SCHIP1: variants seen among roughly 807,000 people sequenced by gnomAD.
SCHIP1 encodes the protein schwannomin interacting protein 1, also known as schwannomin-interacting protein 1.
A neutral mutation model predicts 29.7 loss-of-function variants in SCHIP1; 8 were observed. The observed-to-expected ratio is 0.27, with a 90% CI of 0.16 to 0.49. The LOEUF is 0.49. Among genes scored for constraint, SCHIP1 ranks in the 20% least tolerant of loss-of-function variants. The pLI is 0.99. For synonymous variants in SCHIP1, 76 were observed against 94.9 expected (o/e 0.80, Z 1.16); for missense variants, 193 against 294.6 (o/e 0.66, Z 2.52).
At chr3:159,515,343 C>G in the SCHIP1 span, among the ~76,000 whole-genome samples, 4 of 152,176 alleles carry the variant, frequency 2.6e-5, no homozygotes, top group African/African-American at 9.7e-5. Flanking sequence ...TTGCCAGCAT[C>G]CTTGAATAAA....
At chr3:159,656,445 C>T in the SCHIP1 span, among the ~76,000 whole-genome samples, 1 of 152,124 alleles carries the variant, frequency 6.6e-6, no homozygotes, top group Non-Finnish European at 1.5e-5. Flanking sequence ...CGAAGAAAGG[C>T]GAGCCCACTT....
At chr3:159,506,716 A>C in the SCHIP1 span, among the ~76,000 whole-genome samples, 1 of 152,222 alleles carries the variant, frequency 6.6e-6, no homozygotes, top group Non-Finnish European at 1.5e-5. Flanking sequence ...CCATTTGTTG[A>C]ATAGGGAATC....
At chr3:159,617,752 G>T in the SCHIP1 span, among the ~76,000 whole-genome samples, 1 of 151,988 alleles carries the variant, frequency 6.6e-6, no homozygotes, top group Non-Finnish European at 1.5e-5. Context: ...CAACCACCAG[G>T]CCTTTGAGTC....
the SCHIP1 span, among the ~76,000 whole-genome samples, chr3:159,799,373 C>G: frequency 6.6e-6 from 1 of 152,248 alleles, no homozygotes; most frequent in Admixed American, 6.5e-5. Context: ...TGAGCATCAA[C>G]TTCTCTCTCA....
chr3:159,303,397 C>A, the SCHIP1 span, among the ~76,000 whole-genome samples: 1 of 150,748 alleles, frequency 6.6e-6, no homozygotes, highest in Non-Finnish European at 1.5e-5. Flanking sequence ...AAGGTTGGAG[C>A]CCTTTTCCCT....
At chr3:159,489,820 T>C in the SCHIP1 span, among the ~76,000 whole-genome samples, 2 of 152,136 alleles carry the variant, frequency 1.3e-5, no homozygotes, top group Non-Finnish European at 2.9e-5. Context: ...CTAAGACATG[T>C]TGATAAACAA....
At chr3:159,665,298 G>A in the SCHIP1 span, among the ~76,000 whole-genome samples, 2 of 152,048 alleles carry the variant, frequency 1.3e-5, no homozygotes, top group African/African-American at 4.8e-5. Context: ...ATTTTTCAGT[G>A]GGGTCATTTT....
the SCHIP1 span, among the ~76,000 whole-genome samples, chr3:159,493,806 T>A: frequency 6.6e-6 from 1 of 152,198 alleles, no homozygotes; most frequent in Non-Finnish European, 1.5e-5. Flanking sequence ...TACATTCTTC[T>A]CAGCACCACA....
the SCHIP1 span, among the ~76,000 whole-genome samples, chr3:159,815,938 T>TATTTATTTATTC: frequency 7.1e-5 from 1 of 13,996 alleles, no homozygotes; most frequent in African/African-American, 9.4e-4. Context: ...CCTCTGGTCC[T>TATTTATTTATTC]ATTTATTTAT....
the SCHIP1 span, among the ~76,000 whole-genome samples, chr3:159,580,472 C>T: frequency 7.2e-5 from 11 of 152,144 alleles, no homozygotes; most frequent in African/African-American, 2.2e-4. Flanking sequence ...TCAAGGCAGA[C>T]GGAGAGACGT....
the SCHIP1 span, among the ~76,000 whole-genome samples, chr3:159,506,431 A>T: frequency 6.6e-6 from 1 of 152,122 alleles, no homozygotes; most frequent in Non-Finnish European, 1.5e-5. Context: ...GTTCACTCTG[A>T]TGGTAGTTTC....
the SCHIP1 span, among the ~76,000 whole-genome samples, chr3:159,295,663 A>G: frequency 6.6e-6 from 1 of 152,126 alleles, no homozygotes; most frequent in South Asian, 2.1e-4. Context: ...GCTCTGAGAA[A>G]TAGTGCTTTA....
the SCHIP1 span, among the ~76,000 whole-genome samples, chr3:159,507,525 G>A: frequency 6.6e-6 from 1 of 152,152 alleles, no homozygotes; most frequent in Non-Finnish European, 1.5e-5. Context: ...TGGTGAGAGA[G>A]GGCATCCCTG....
chr3:159,310,624 C>T, the SCHIP1 span, among the ~76,000 whole-genome samples: 4 of 152,060 alleles, frequency 2.6e-5, no homozygotes, highest in Admixed American at 6.6e-5. Context: ...TTTTTATGGA[C>T]AGACTGTATA....
the SCHIP1 span, among the ~76,000 whole-genome samples, chr3:159,299,987 G>A: frequency 6.6e-6 from 1 of 152,042 alleles, no homozygotes; most frequent in South Asian, 2.1e-4. Context: ...GGGAGGTAGA[G>A]GTTAGAAGCA....
intron 2 of SCHIP1, 70 bp from the exon 4 acceptor site, chr3:159,886,137 A>G (rs976377656): frequency 5.8e-6 from 9 of 1,548,934 alleles, no homozygotes; most frequent in Non-Finnish European, 7.1e-6. Flanking sequence ...GCAAAATCAG[A>G]CAGTTCTATT....
the SCHIP1 span, among the ~76,000 whole-genome samples, chr3:159,353,096 T>C: frequency 6.6e-6 from 1 of 152,038 alleles, no homozygotes; most frequent in Admixed American, 6.6e-5. Context: ...ATACTTCCAG[T>C]CCAGTTGTTA....
chr3:159,412,082 A>G, the SCHIP1 span, among the ~76,000 whole-genome samples: 1 of 152,210 alleles, frequency 6.6e-6, no homozygotes, highest in Admixed American at 6.5e-5. Flanking sequence ...TATAAACTTC[A>G]AAACAAACCA....
chr3:159,626,397 G>A, the SCHIP1 span, among the ~76,000 whole-genome samples: 1 of 151,476 alleles, frequency 6.6e-6, no homozygotes, highest in African/African-American at 2.4e-5. Context: ...CACCTCAGGG[G>A]CTATATCACT....
Sources: gnomAD v4.1 joint callset for allele counts (sites outside exome capture counted in the v4.1 genomes callset) on GRCh38, gnomAD v4.1.1 for gene constraint, MANE v1.5 for transcripts, NCBI Gene and HGNC (gene_info 2026-07-23, HGNC 2026-07-21) for gene names.